Variants in AGMO observed in about 807,000 individuals in gnomAD.
AGMO encodes the protein alkylglycerol monooxygenase.
In AGMO, 75 loss-of-function variants were observed where a neutral mutation model predicts 60.2. That is an observed-to-expected ratio of 1.25 (90% CI 1.03 to 1.51). The LOEUF is 1.51. Among genes scored for constraint, AGMO ranks in the 40% most tolerant of loss-of-function variants. AGMO has a pLI of 0.00. For missense variants in AGMO, 763 were observed against 525.5 expected (o/e 1.45, Z -4.42); for synonymous variants, 261 against 177.1 (o/e 1.47, Z -3.76).
At chr7:15,516,253 A>C (rs148238616) in intron 3 of AGMO, among the ~76,000 whole-genome samples, 1 of 152,096 alleles carries the variant, frequency 6.6e-6, no homozygotes, top group Non-Finnish European at 1.5e-5. Flanking sequence ...AGAGAGAGAG[A>C]AGGAGAAGAT....
At chr7:15,545,136 C>G (rs1301196721) in intron 2 of AGMO, among the ~76,000 whole-genome samples, 1 of 152,064 alleles carries the variant, frequency 6.6e-6, no homozygotes, top group Non-Finnish European at 1.5e-5. Flanking sequence ...TCATAGGCAT[C>G]ATGGATGCCA....
intron 12 of AGMO, among the ~76,000 whole-genome samples, chr7:15,347,508 T>C (rs990955386): frequency 3.9e-5 from 6 of 152,048 alleles, no homozygotes; most frequent in Non-Finnish European, 5.9e-5. Flanking sequence ...CTGTCTCCTC[T>C]ATATGTCTAT....
At chr7:15,530,998 CTATATATTCTA>C (rs1392929931) in intron 3 of AGMO, among the ~76,000 whole-genome samples, 1 of 90,140 alleles carries the variant, frequency 1.1e-5, no homozygotes, top group Non-Finnish European at 2.0e-5. Flanking sequence ...TATATATATT[CTATATATTCTA>C]TATATATTCT....
At chr7:15,480,566 A>T (rs1406151599) in intron 3 of AGMO, among the ~76,000 whole-genome samples, 1 of 152,166 alleles carries the variant, frequency 6.6e-6, no homozygotes, top group Non-Finnish European at 1.5e-5. Flanking sequence ...AATTGTCCTG[A>T]TGTTGCCTGG....
chr7:15,516,896 A>G (rs1351421187), intron 3 of AGMO, among the ~76,000 whole-genome samples: 1 of 152,116 alleles, frequency 6.6e-6, no homozygotes, highest in East Asian at 1.9e-4. Context: ...GGCTTCATTA[A>G]CATTTGCTTG....
the AGMO span, among the ~76,000 whole-genome samples, chr7:15,174,183 T>C: frequency 6.6e-6 from 1 of 152,004 alleles, no homozygotes; most frequent in East Asian, 1.9e-4. Flanking sequence ...CCCAAATATA[T>C]AGATATGCAA....
At chr7:15,194,433 A>G in the AGMO span, among the ~76,000 whole-genome samples, 1 of 152,182 alleles carries the variant, frequency 6.6e-6, no homozygotes, top group Non-Finnish European at 1.5e-5. Context: ...AATCTGAATA[A>G]TGATGCATTT....
intron 12 of AGMO, among the ~76,000 whole-genome samples, chr7:15,292,936 T>C (rs1032647195): frequency 7.3e-5 from 11 of 150,886 alleles, no homozygotes; most frequent in African/African-American, 2.4e-4. Flanking sequence ...TTTTTTTTTG[T>C]ATTTTTGGTA....
chr7:15,241,407 C>G (rs948612236), intron 12 of AGMO, among the ~76,000 whole-genome samples: 1 of 134,800 alleles, frequency 7.4e-6, no homozygotes, highest in Admixed American at 8.7e-5. Flanking sequence ...TTGCAGTGAG[C>G]CGGGATAGCG....
chr7:15,221,256 A>G (rs1186118482), intron 12 of AGMO, among the ~76,000 whole-genome samples: 2 of 152,142 alleles, frequency 1.3e-5, no homozygotes, highest in African/African-American at 4.8e-5. Flanking sequence ...GCCCCTCTGG[A>G]AGTAAAGGCC....
intron 12 of AGMO, among the ~76,000 whole-genome samples, chr7:15,282,749 A>T (rs908390956): frequency 2.0e-5 from 3 of 152,176 alleles, no homozygotes; most frequent in Non-Finnish European, 4.4e-5. Context: ...AACTCCTAGG[A>T]GAGTCATTGC....
At chr7:15,358,734 G>GT (rs1381084132) in intron 12 of AGMO, among the ~76,000 whole-genome samples, 3 of 152,172 alleles carry the variant, frequency 2.0e-5, no homozygotes, top group African/African-American at 7.2e-5. Context: ...ACATGTCTTT[G>GT]TGGTAAATCT....
At chr7:15,329,571 G>A (rs997963297) in intron 12 of AGMO, among the ~76,000 whole-genome samples, 5 of 152,144 alleles carry the variant, frequency 3.3e-5, no homozygotes, top group Non-Finnish European at 7.4e-5. Flanking sequence ...CTATCAGAGA[G>A]GAATAACCTA....
Position 15,560,143 on chromosome 7 carries a change from TG to T in AGMO, c.254del (p.Pro85GlnfsTer10). Reference sequence around the variant, plus strand: ...GCGTTGTTGACCATCTAACTCACCTTGGAAGTCGAGACAGAACACCAGCTGA... The same window carrying T: ...GCGTTGTTGACCATCTAACTCACCTTGAAGTCGAGACAGAACACCAGCTGA... ...SISAGVLSRLPSLFFRSIELT... is the reference protein window; with the variant it reads ...SISAGVLSRLXSLFFRSIELT... On this transcript the variant is annotated frameshift_variant, in exon 2 of 13. Transcript: ENST00000342526. LOFTEE classifies it high-confidence loss of function. The T allele has an allele frequency of 6.2e-7, 1 of 1,607,384 alleles. No homozygotes were observed. The highest frequency in any genetic ancestry group is 8.5e-7 in the Non-Finnish European group (1 of 1,175,622).
chr7:15,118,241 A>G, the AGMO span, among the ~76,000 whole-genome samples: 3 of 151,678 alleles, frequency 2.0e-5, no homozygotes. Context: ...TTTCAGATAG[A>G]ACATCCAAAA....
intron 3 of AGMO, among the ~76,000 whole-genome samples, chr7:15,463,221 CTGT>C (rs1036017510): frequency 4.6e-5 from 7 of 152,118 alleles, no homozygotes; most frequent in African/African-American, 1.4e-4. Context: ...AGAGGCTTTT[CTGT>C]TGTTGTTCTT....
chr7:15,327,054 T>A (rs1781358855), intron 12 of AGMO, among the ~76,000 whole-genome samples: 1 of 152,172 alleles, frequency 6.6e-6, no homozygotes, highest in Non-Finnish European at 1.5e-5. Flanking sequence ...TGTAATTTTG[T>A]GAAGGCAGAG....
chr7:15,508,402 G>A (rs1478655056), intron 3 of AGMO, among the ~76,000 whole-genome samples: 1 of 152,082 alleles, frequency 6.6e-6, no homozygotes, highest in African/African-American at 2.4e-5. Context: ...GAAAATCGGA[G>A]GCTATAGTGG....
intron 12 of AGMO, among the ~76,000 whole-genome samples, chr7:15,344,087 G>C (rs1019617470): frequency 6.6e-6 from 1 of 152,102 alleles, no homozygotes; most frequent in Non-Finnish European, 1.5e-5. Flanking sequence ...AAAATTCCAA[G>C]TTTGAGAGTA....
Sources: gnomAD v4.1 joint callset for allele counts (sites outside exome capture counted in the v4.1 genomes callset) on GRCh38, gnomAD v4.1.1 for gene constraint, MANE v1.5 for transcripts, NCBI Gene and HGNC (gene_info 2026-07-23, HGNC 2026-07-21) for gene names.